The following EXOC6B variants were observed in gnomAD, a reference collection of about 807,000 sequenced individuals.
EXOC6B encodes exocyst complex component 6B, also known as SEC15 homolog B.
In EXOC6B, 54 loss-of-function variants were observed where a neutral mutation model predicts 113.5. That is an observed-to-expected ratio of 0.48 (90% CI 0.38 to 0.60). EXOC6B has a LOEUF of 0.60. Ranked by LOEUF, EXOC6B falls within the 20% of genes least tolerant of loss-of-function variation. EXOC6B has a pLI of 0.00. For missense variants in EXOC6B, 797 were observed against 977.5 expected (o/e 0.82, Z 2.46); for synonymous variants, 357 against 339.0 (o/e 1.05, Z -0.58).
intron 1 of EXOC6B, among the ~76,000 whole-genome samples, chr2:72,813,842 C>G (rs576721226): frequency 9.0e-4 from 137 of 152,142 alleles, no homozygotes; most frequent in Non-Finnish European, 1.2e-4. Flanking sequence ...GATTCTTGCT[C>G]GTTTAGATAT....
At chr2:72,443,770 T>C (rs1047662277) in intron 18 of EXOC6B, among the ~76,000 whole-genome samples, 1 of 152,070 alleles carries the variant, frequency 6.6e-6, no homozygotes, top group Non-Finnish European at 1.5e-5. Context: ...ACGAGAACAG[T>C]GTGGGAAAGA....
intron 5 of EXOC6B, among the ~76,000 whole-genome samples, chr2:72,718,665 C>T (rs1048037909): frequency 4.6e-5 from 7 of 152,032 alleles, no homozygotes; most frequent in Admixed American, 1.3e-4. Flanking sequence ...TGAGACTAGC[C>T]GGGTCAACAC....
chr2:72,746,441 T>C (rs1681701719), intron 1 of EXOC6B, among the ~76,000 whole-genome samples: 1 of 152,052 alleles, frequency 6.6e-6, no homozygotes, highest in African/African-American at 2.4e-5. Context: ...AAAAGTAAAT[T>C]ATTTATCCTC....
chr2:72,670,034 T>C (rs1418696229), intron 6 of EXOC6B, among the ~76,000 whole-genome samples: 1 of 152,228 alleles, frequency 6.6e-6, no homozygotes, highest in Non-Finnish European at 1.5e-5. Flanking sequence ...TGTAGTTTTT[T>C]CATAACTCTA....
chr2:72,671,775 GAAAGAA>G, intron 6 of EXOC6B, among the ~76,000 whole-genome samples: 1 of 98,270 alleles, frequency 1.0e-5, no homozygotes, highest in South Asian at 3.2e-4. Context: ...AAGAAAGAAA[GAAAGAA>G]AGAAAGAAAG....
In EXOC6B at chr2:72,179,358, G is replaced by T. The variant is rs1262304784; in HGVS notation, c.2413C>A (p.Leu805Ile). 6.2e-7 allele frequency: 1 copy of T among 1,611,810 alleles called. No homozygotes were observed. The highest frequency in any genetic ancestry group is 2.2e-5 in the East Asian group (1 of 44,862). Residue 805 changes from leucine (L) to isoleucine (I), a missense_variant, in exon 22 of 22, where the codon CTC (leucine) becomes ATC (isoleucine). Coordinates refer to ENST00000272427, the MANE Select transcript of EXOC6B (RefSeq NM_015189.3). Reference sequence around the variant, plus strand: ...CTTCATGAGTGGTGGCTGCTGATGAGTCCTCGGAGCTGCTTGGCCACGGTG... The same window carrying T: ...CTTCATGAGTGGTGGCTGCTGATGATTCCTCGGAGCTGCTTGGCCACGGTG... The part of the protein sequence containing the change: ...IDTVAKQLRG[L>I]ISSHHS
intron 20 of EXOC6B, among the ~76,000 whole-genome samples, chr2:72,270,871 G>C (rs1684440318): frequency 6.6e-6 from 1 of 152,060 alleles, no homozygotes; most frequent in Non-Finnish European, 1.5e-5. Flanking sequence ...CTTCCCTAGG[G>C]AAATAGGTGG....
Position 72,741,377 on chromosome 2 carries a change from T to C in EXOC6B, c.206A>G (p.Asn69Ser), listed in dbSNP as rs772109782. The C allele has an allele frequency of 3.1e-6, 5 of 1,613,848 alleles. No individual in the cohort carries two copies. In the South Asian group the frequency reaches 4.4e-5, roughly 14 times the overall value. The change falls in exon 2 of 22, where the codon AAC (asparagine) becomes AGC (serine). Residue 69 changes from asparagine (N) to serine (S), a missense_variant. Transcript: ENST00000272427. ...NHDREIEKMCNFHYQGFVDSI... is the reference protein window; with the variant it reads ...NHDREIEKMCSFHYQGFVDSI... The stretch of plus-strand genomic sequence containing the variant: ...GTCCACAAAGCCCTGGTAATGAAAG[T>C]TGCACATTTTCTCAATTTCTCGGTC...
intron 20 of EXOC6B, among the ~76,000 whole-genome samples, chr2:72,238,275 T>C (rs531787846): frequency 1.3e-5 from 2 of 152,250 alleles, no homozygotes; most frequent in African/African-American, 4.8e-5. Flanking sequence ...TAATATTTCA[T>C]TGTATGAATA....
chr2:72,570,014 TC>T (rs1426907921), intron 7 of EXOC6B, among the ~76,000 whole-genome samples: 1 of 152,072 alleles, frequency 6.6e-6, no homozygotes, highest in East Asian at 1.9e-4. Context: ...ATAATTGTGC[TC>T]CCCCGCAAAT....
chr2:72,325,137 A>G (rs534411529), intron 20 of EXOC6B, among the ~76,000 whole-genome samples: 1 of 152,308 alleles, frequency 6.6e-6, no homozygotes, highest in Admixed American at 6.5e-5. Context: ...CTTCATGCCC[A>G]CGTTGAATTT....
intron 7 of EXOC6B, among the ~76,000 whole-genome samples, chr2:72,560,265 A>C (rs1465096190): frequency 6.6e-6 from 1 of 151,638 alleles, no homozygotes; most frequent in Non-Finnish European, 1.5e-5. Context: ...GGTCTCGACT[A>C]CCTAAGTTGA....
intron 11 of EXOC6B, among the ~76,000 whole-genome samples, chr2:72,505,265 G>A (rs1484155116): frequency 6.6e-6 from 1 of 152,018 alleles, no homozygotes. Context: ...AATCTTTGGT[G>A]TATATTTTCC....
At chr2:72,694,056 G>T (rs1459452271) in intron 6 of EXOC6B, among the ~76,000 whole-genome samples, 1 of 151,796 alleles carries the variant, frequency 6.6e-6, no homozygotes, top group East Asian at 1.9e-4. Context: ...TGATATAAAT[G>T]CATATTTCTT....
chr2:72,718,428 A>C (rs1421224572), intron 5 of EXOC6B, 121 bp from the exon 6 acceptor site: 3 of 579,396 alleles, frequency 5.2e-6, no homozygotes, highest in Non-Finnish European at 5.9e-6. Context: ...TTTAATGAGA[A>C]CATCAGTGAA....
At position 72,196,767 on chromosome 2, in the gene EXOC6B, A is replaced by G. The variant is rs1235949656; in HGVS notation, c.2197-12580T>C. The stretch of plus-strand genomic sequence containing the variant: ...TATATTTGTTACTTCCTTTGTCATT[A>G]AGTTCATTTTCCTCCTTTCAATTCT... On this transcript the variant is annotated intron_variant, in intron 20 of 21. Transcript: ENST00000272427. Among the ~76,000 whole-genome samples, 9 of 152,188 alleles carry G rather than the reference A, an allele frequency of 5.9e-5. No individual in the cohort carries two copies. The East Asian group carries it at 1.5e-3, about 26-fold the overall frequency.
intron 18 of EXOC6B, among the ~76,000 whole-genome samples, chr2:72,443,063 A>C (rs1413484283): frequency 6.6e-6 from 1 of 152,132 alleles, no homozygotes; most frequent in Non-Finnish European, 1.5e-5. Flanking sequence ...GCGGTGCCTC[A>C]CGCCTGTAAT....
intron 1 of EXOC6B, among the ~76,000 whole-genome samples, chr2:72,776,591 C>G (rs1182242402): frequency 6.6e-6 from 1 of 151,490 alleles, no homozygotes; most frequent in African/African-American, 2.4e-5. Context: ...CACTGCACTC[C>G]AGCCTGGGTG....
At chr2:72,211,010 G>A (rs546801305) in intron 20 of EXOC6B, among the ~76,000 whole-genome samples, 6 of 152,276 alleles carry the variant, frequency 3.9e-5, no homozygotes, top group African/African-American at 1.2e-4. Context: ...CACCACCTCC[G>A]GTTCCCTCCA....
Sources: gnomAD v4.1 joint callset for allele counts (sites outside exome capture counted in the v4.1 genomes callset) on GRCh38, gnomAD v4.1.1 for gene constraint, MANE v1.5 for transcripts, NCBI Gene and HGNC (gene_info 2026-07-23, HGNC 2026-07-21) for gene names.